Variants in CDH13 observed in about 807,000 individuals in gnomAD.
The protein encoded by CDH13 is cadherin-13.
In CDH13, 24 loss-of-function variants were observed where a neutral mutation model predicts 63.8. The observed-to-expected ratio is 0.38, with a 90% confidence interval of 0.27 to 0.53. CDH13 has a LOEUF of 0.53. Ranked by LOEUF, CDH13 falls within the 20% of genes least tolerant of loss-of-function variation. CDH13 has a pLI of 0.85. For missense variants in CDH13, 1,049 were observed against 903.1 expected, an observed-to-expected ratio of 1.16 and a Z score of -2.07; for synonymous variants, 503 against 355.3, an observed-to-expected ratio of 1.42 and a Z score of -4.67.
At chr16:83,402,948 C>A (rs2091989677) in intron 6 of CDH13, among the ~76,000 whole-genome samples, 1 of 152,092 alleles carries the variant, frequency 6.6e-6, no homozygotes, top group Admixed American at 6.5e-5. Flanking sequence ...CCATCAATAA[C>A]CAGCTACAAT....
chr16:83,343,297 C>T (rs1309857698), intron 5 of CDH13, among the ~76,000 whole-genome samples: 1 of 152,162 alleles, frequency 6.6e-6, no homozygotes. Context: ...TATTTTTACT[C>T]AATATTCTAA....
intron 1 of CDH13, among the ~76,000 whole-genome samples, chr16:82,696,676 A>C (rs1353955115): frequency 6.6e-6 from 1 of 152,208 alleles, no homozygotes; most frequent in Non-Finnish European, 1.5e-5. Flanking sequence ...CAACTCAGTT[A>C]GGTCAACTGT....
rs1567778292 is a variant in CDH13 at position 83,576,401 on chromosome 16, C to T, written c.961-26053C>T. On this transcript the variant is annotated intron_variant, in intron 7 of 13. Transcript: ENST00000567109. ...ATGGGTGGAGCACATTTTGTTTATC[C>T]ATTCGTCTGTTTATGGACATTTGGC... 2.0e-5 allele frequency among the ~76,000 whole-genome samples: 3 copies of T among 152,146 alleles called. 1 individual carries two copies. The South Asian group carries it at 6.2e-4, about 32-fold the overall frequency.
At chr16:83,319,780 C>G (rs2090182178) in intron 5 of CDH13, among the ~76,000 whole-genome samples, 4 of 152,120 alleles carry the variant, frequency 2.6e-5, no homozygotes. Flanking sequence ...AGAATGAGAA[C>G]ACAGGGAAAG....
chr16:83,025,724 T>C (rs1915741290), intron 2 of CDH13, among the ~76,000 whole-genome samples: 1 of 152,100 alleles, frequency 6.6e-6, no homozygotes, highest in African/African-American at 2.4e-5. Flanking sequence ...AACTTCCCTT[T>C]CTTGGGGCAC....
chr16:83,428,032 A>G (rs1017622611), intron 6 of CDH13, among the ~76,000 whole-genome samples: 1 of 152,144 alleles, frequency 6.6e-6, no homozygotes, highest in African/African-American at 2.4e-5. Flanking sequence ...ATTTTAGAGA[A>G]TCGGTCTCTG....
chr16:82,796,767 A>T (rs1253523215), intron 1 of CDH13, among the ~76,000 whole-genome samples: 1 of 152,184 alleles, frequency 6.6e-6, no homozygotes, highest in Non-Finnish European at 1.5e-5. Flanking sequence ...AATTATAAGG[A>T]AGTTATGGGA....
chr16:83,697,599 CA>C (rs35469549), intron 10 of CDH13, among the ~76,000 whole-genome samples: 3 of 152,180 alleles, frequency 2.0e-5, no homozygotes, highest in Non-Finnish European at 2.9e-5. Flanking sequence ...GATGAGTTGA[CA>C]AAAATGTTGT....
chr16:82,718,738 G>T (rs1597396427), intron 1 of CDH13, among the ~76,000 whole-genome samples: 1 of 152,240 alleles, frequency 6.6e-6, no homozygotes, highest in East Asian at 1.9e-4. Flanking sequence ...AACATCATCA[G>T]ATCTCGTGAG....
chr16:82,737,473 C>A (rs74030806), intron 1 of CDH13, among the ~76,000 whole-genome samples: 1,598 of 152,348 alleles, frequency 0.01, 26 homozygotes, highest in African/African-American at 0.037. Context: ...TTGAAACGTG[C>A]TCCTTAGTGT....
chr16:82,967,881 C>A (rs973194602), intron 2 of CDH13, among the ~76,000 whole-genome samples: 1 of 152,174 alleles, frequency 6.6e-6, no homozygotes, highest in East Asian at 1.9e-4. Context: ...TAACAAGGGT[C>A]TTGGAAGGAG....
intron 1 of CDH13, among the ~76,000 whole-genome samples, chr16:82,675,613 G>A (rs2150952043): frequency 6.6e-6 from 1 of 152,282 alleles, no homozygotes; most frequent in African/African-American, 2.4e-5. Flanking sequence ...TTCAGAAAAT[G>A]TATGCAAAAA....
intron 2 of CDH13, among the ~76,000 whole-genome samples, chr16:82,914,187 C>T (rs1474401158): frequency 6.6e-6 from 1 of 152,078 alleles, no homozygotes; most frequent in Non-Finnish European, 1.5e-5. Context: ...CAGGCTTCTA[C>T]TTAGTACAAC....
At chr16:83,698,497 A>G (rs1173716151) in intron 10 of CDH13, among the ~76,000 whole-genome samples, 1 of 152,170 alleles carries the variant, frequency 6.6e-6, no homozygotes, top group Non-Finnish European at 1.5e-5. Flanking sequence ...TGAGGCTCTC[A>G]AGACACTGCT....
intron 10 of CDH13, among the ~76,000 whole-genome samples, chr16:83,710,025 T>A (rs1054007132): frequency 6.6e-6 from 1 of 152,240 alleles, no homozygotes; most frequent in Non-Finnish European, 1.5e-5. Context: ...AAGGTGGTGA[T>A]CTTGCCCCCA....
At chr16:83,348,741 C>T (rs1423070208) in intron 6 of CDH13, among the ~76,000 whole-genome samples, 1 of 152,178 alleles carries the variant, frequency 6.6e-6, no homozygotes, top group Non-Finnish European at 1.5e-5. Flanking sequence ...CTAGGACCCT[C>T]TGCAAATGGG....
chr16:82,842,165 C>CATATATATATATATAT (rs1567590719), intron 1 of CDH13, among the ~76,000 whole-genome samples: 7 of 52,866 alleles, frequency 1.3e-4, no homozygotes, highest in Non-Finnish European at 2.2e-4. Flanking sequence ...TATATATATA[C>CATATATATATATATAT]ACACACACAC....
intron 11 of CDH13, among the ~76,000 whole-genome samples, chr16:83,778,941 C>G (rs992307353): frequency 1.3e-5 from 2 of 152,196 alleles, no homozygotes; most frequent in African/African-American, 4.8e-5. Flanking sequence ...CCCCTGCCAC[C>G]AACATGTGTG....
chr16:82,813,382 C>G (rs73606828), intron 1 of CDH13, among the ~76,000 whole-genome samples: 3,090 of 152,254 alleles, frequency 0.02, 87 homozygotes, highest in African/African-American at 0.069. Context: ...TTAACCCCTG[C>G]ATCCAAGAGC....
Sources: gnomAD v4.1 joint callset for allele counts (sites outside exome capture counted in the v4.1 genomes callset) on GRCh38, gnomAD v4.1.1 for gene constraint, MANE v1.5 for transcripts, NCBI Gene and HGNC (gene_info 2026-07-23, HGNC 2026-07-21) for gene names.